The following CFAP299 variants were observed in gnomAD, a reference collection of about 807,000 sequenced individuals.
CFAP299 encodes the protein cilia- and flagella-associated protein 299.
A neutral mutation model predicts 27.0 loss-of-function variants in CFAP299; 21 were observed. That is an observed-to-expected ratio of 0.78 (90% CI 0.55 to 1.12). CFAP299 has a LOEUF of 1.12. Ranked by LOEUF, CFAP299 falls within the 50% of genes most tolerant of loss-of-function variation. The pLI is 0.00. For missense variants in CFAP299, 310 were observed against 276.6 expected, an observed-to-expected ratio of 1.12 and a Z score of -0.86; for synonymous variants, 104 against 98.1, an observed-to-expected ratio of 1.06 and a Z score of -0.36.
chr4:80,929,319 C>T (rs1189399283), intron 4 of CFAP299, among the ~76,000 whole-genome samples: 1 of 149,226 alleles, frequency 6.7e-6, no homozygotes, highest in African/African-American at 2.6e-5. Flanking sequence ...ACCATTATCC[C>T]TCTGGTCTCT....
chr4:80,365,936 G>T (rs78031279), intron 2 of CFAP299, among the ~76,000 whole-genome samples: 5 of 152,132 alleles, frequency 3.3e-5, no homozygotes, highest in African/African-American at 1.2e-4. Context: ...GGCTACTTAT[G>T]AGCCAGTTTT....
At chr4:80,787,233 A>AT (rs539238543) in intron 3 of CFAP299, among the ~76,000 whole-genome samples, 237 of 148,278 alleles carry the variant, frequency 1.6e-3, no homozygotes, top group South Asian at 3.4e-3. Context: ...TATATAAAAC[A>AT]TAATATATAT....
At chr4:80,777,117 T>A (rs1042193247) in intron 3 of CFAP299, among the ~76,000 whole-genome samples, 1 of 151,988 alleles carries the variant, frequency 6.6e-6, no homozygotes, top group African/African-American at 2.4e-5. Context: ...TCAGGTGTGA[T>A]CAAAAAGGTG....
chr4:80,798,467 C>A (rs1727998770), intron 3 of CFAP299, among the ~76,000 whole-genome samples: 2 of 152,154 alleles, frequency 1.3e-5, no homozygotes, highest in African/African-American at 4.8e-5. Flanking sequence ...CATCCCCATT[C>A]CATGTTGGAG....
At chr4:80,599,039 GA>G (rs1429321647) in intron 3 of CFAP299, among the ~76,000 whole-genome samples, 1 of 152,170 alleles carries the variant, frequency 6.6e-6, no homozygotes, top group Non-Finnish European at 1.5e-5. Flanking sequence ...CCAACTATGT[GA>G]AAGTAAAAGC....
At chr4:80,766,091 A>G (rs1225499165) in intron 3 of CFAP299, among the ~76,000 whole-genome samples, 1 of 152,150 alleles carries the variant, frequency 6.6e-6, no homozygotes, top group Non-Finnish European at 1.5e-5. Flanking sequence ...AGTTAACTGC[A>G]GGATAAATGA....
chr4:80,860,105 C>A (rs1198868160), intron 3 of CFAP299, among the ~76,000 whole-genome samples: 2 of 152,084 alleles, frequency 1.3e-5, no homozygotes, highest in Admixed American at 1.3e-4. Context: ...AGGCTTTGTT[C>A]GTTTCTTTTT....
At position 80,799,830 on chromosome 4, in the gene CFAP299, T is replaced by A. The variant is rs1302923617; in HGVS notation, c.334-70163T>A. ...ATATAAATATATATATTATATATAT[T>A]TATATATTATATTATATAATATATA... On this transcript the variant is annotated intron_variant, in intron 3 of 5. Transcript: ENST00000358105. 5.8e-3 allele frequency among the ~76,000 whole-genome samples: 214 copies of A among 36,668 alleles called. 2 individuals carry two copies. The highest frequency in any genetic ancestry group is 0.028 in the Middle Eastern group (1 of 36). The allele number at this position is 36,668 out of a possible 152,430, so 24.1% of individuals were successfully genotyped here. A position where few individuals can be genotyped will look rare whatever the true frequency, so the allele number is the denominator to read the frequency against.
At chr4:80,522,894 A>G (rs1158214766) in intron 2 of CFAP299, among the ~76,000 whole-genome samples, 1 of 152,042 alleles carries the variant, frequency 6.6e-6, no homozygotes, top group Non-Finnish European at 1.5e-5. Context: ...TATTTTGATT[A>G]CTATTGCTAT....
chr4:80,452,180 A>G (rs1232720749), intron 2 of CFAP299, among the ~76,000 whole-genome samples: 1 of 152,010 alleles, frequency 6.6e-6, no homozygotes, highest in African/African-American at 2.4e-5. Context: ...TATTTGGTGT[A>G]TATAGTAAAA....
At chr4:80,408,830 T>C (rs1726561787) in intron 2 of CFAP299, among the ~76,000 whole-genome samples, 1 of 18,662 alleles carries the variant, frequency 5.4e-5, no homozygotes. Context: ...AACATAACTT[T>C]TGCTGGTTTT....
At chr4:80,828,475 T>G (rs116632499) in intron 3 of CFAP299, among the ~76,000 whole-genome samples, 422 of 152,204 alleles carry the variant, frequency 2.8e-3, no homozygotes, top group African/African-American at 9.3e-3. Context: ...CATTGAATTG[T>G]AATCCCCAAT....
chr4:80,919,932 G>A (rs1196286131), intron 4 of CFAP299, among the ~76,000 whole-genome samples: 6 of 152,062 alleles, frequency 3.9e-5, no homozygotes, highest in African/African-American at 1.4e-4. Context: ...GCTCCATAAT[G>A]TAGGCTACAA....
intron 3 of CFAP299, among the ~76,000 whole-genome samples, chr4:80,622,654 C>T (rs1161086046): frequency 6.6e-6 from 1 of 152,102 alleles, no homozygotes; most frequent in Non-Finnish European, 1.5e-5. Flanking sequence ...ACCATGTCTA[C>T]ATCAAATAAT....
rs1175780582 is a variant in CFAP299, at chr4:80,743,356, GATAC to G, written c.334-126633_334-126630del. 6.6e-5 allele frequency among the ~76,000 whole-genome samples: 10 copies of G among 152,146 alleles called. No homozygotes were observed. In the South Asian group the frequency reaches 1.5e-3, roughly 22 times the overall value. ...ACATTTGTATATATTATTTTCTGTA[GATAC>G]ATATATATACATACATACATACATC... On this transcript the variant is annotated intron_variant, in intron 3 of 5. Coordinates refer to ENST00000358105, the MANE Select transcript of CFAP299 (RefSeq NM_152770.3).
chr4:80,840,927 A>C (rs72881551), intron 3 of CFAP299, among the ~76,000 whole-genome samples: 1,762 of 152,146 alleles, frequency 0.012, 34 homozygotes, highest in African/African-American at 0.039. Flanking sequence ...GTTATCTCTA[A>C]TCAGAGAGCC....
intron 3 of CFAP299, among the ~76,000 whole-genome samples, chr4:80,729,389 C>G (rs935679474): frequency 6.6e-6 from 1 of 152,126 alleles, no homozygotes; most frequent in African/African-American, 2.4e-5. Flanking sequence ...CTTGAGCAGG[C>G]TGGACTTTGT....
chr4:80,337,744 T>TA (rs1347165620), intron 1 of CFAP299, among the ~76,000 whole-genome samples: 1 of 152,152 alleles, frequency 6.6e-6, no homozygotes, highest in Admixed American at 6.5e-5. Context: ...AGGTGGTAAT[T>TA]ATATTTGGGG....
At chr4:80,362,166 A>G (rs1723580884) in intron 1 of CFAP299, among the ~76,000 whole-genome samples, 1 of 149,656 alleles carries the variant, frequency 6.7e-6, no homozygotes, top group Non-Finnish European at 1.5e-5. Context: ...CTGGGTTTCT[A>G]CTTTTCTGTT....
Sources: allele counts gnomAD v4.1 joint callset (sites outside exome capture counted in the v4.1 genomes callset), GRCh38; gene constraint gnomAD v4.1.1; transcripts MANE v1.5; gene names NCBI Gene and HGNC (gene_info 2026-07-23, HGNC 2026-07-21).